The following MGAT4C variants were observed in gnomAD, a reference collection of about 807,000 sequenced individuals.
MGAT4C encodes MGAT4 family member C.
Under a neutral mutation model 40.1 loss-of-function variants are expected in MGAT4C, and 19 were observed. The ratio of observed to expected loss-of-function variants is 0.47; its 90% CI spans 0.33 to 0.70. The LOEUF (loss-of-function observed/expected upper bound fraction) is 0.70, where lower values mean the gene tolerates loss of function less well. Ranked by LOEUF, MGAT4C falls within the 30% of genes least tolerant of loss-of-function variation. The probability of loss-of-function intolerance (pLI) is 0.02; values close to 1 mark genes in which losing one functional copy is unlikely to be tolerated. For missense variants in MGAT4C, 491 were observed against 563.2 expected (o/e 0.87, Z 1.30); for synonymous variants, 181 against 187.1 (o/e 0.97, Z 0.27).
At chr12:86,070,373 T>A (rs558962543) in intron 1 of MGAT4C, among the ~76,000 whole-genome samples, 2 of 152,204 alleles carry the variant, frequency 1.3e-5, no homozygotes, top group South Asian at 4.1e-4. Flanking sequence ...ATCTTTTTTT[T>A]CCTCTGATTG....
intron 1 of MGAT4C, among the ~76,000 whole-genome samples, chr12:86,163,738 A>G (rs946410232): frequency 3.9e-5 from 6 of 152,198 alleles, no homozygotes; most frequent in African/African-American, 1.4e-4. Context: ...ACATTTTTGA[A>G]CTACATGGAA....
chr12:86,084,245 A>G (rs1204037166), intron 1 of MGAT4C, among the ~76,000 whole-genome samples: 1 of 152,098 alleles, frequency 6.6e-6, no homozygotes, highest in Non-Finnish European at 1.5e-5. Flanking sequence ...GCAAGGGTTT[A>G]GAACCTGGTA....
Position 86,489,420 on chromosome 12 carries a change from T to C in MGAT4C, c.-228-54155A>G, listed in dbSNP as rs183705767. ...GCACAAGAATTTGGGACACACCAAG[T>C]GTGGGTACCCTAAAAGGCTGTCACA... On this transcript the variant is annotated intron_variant, in intron 2 of 7. Coordinates refer to the MGAT4C transcript ENST00000548651. 2.0e-3 allele frequency among the ~76,000 whole-genome samples: 304 copies of C among 152,246 alleles called. 4 individuals are homozygous for C. The highest frequency in any genetic ancestry group is 0.019 in the Admixed American group (292 of 15,286).
chr12:86,121,329 A>G (rs1001930574), intron 1 of MGAT4C, among the ~76,000 whole-genome samples: 5 of 152,236 alleles, frequency 3.3e-5, no homozygotes, highest in African/African-American at 1.2e-4. Context: ...TCTTCAGGAT[A>G]TTATTCAGGA....
chr12:86,823,244 A>G (rs971141276), intron 1 of MGAT4C, among the ~76,000 whole-genome samples: 1 of 151,192 alleles, frequency 6.6e-6, no homozygotes, highest in Admixed American at 6.6e-5. Context: ...ACAAAGCCCA[A>G]AGTTAGCATA....
intron 1 of MGAT4C, among the ~76,000 whole-genome samples, chr12:86,253,232 T>C (rs1952375593): frequency 6.6e-6 from 1 of 151,910 alleles, no homozygotes; most frequent in Non-Finnish European, 1.5e-5. Flanking sequence ...AAGAATTTTT[T>C]TACATTGTTC....
chr12:86,521,800 C>T (rs1592947908), intron 2 of MGAT4C, among the ~76,000 whole-genome samples: 2 of 151,898 alleles, frequency 1.3e-5, no homozygotes, highest in East Asian at 3.9e-4. Flanking sequence ...TTGTAGTTCT[C>T]CATGTAGAGA....
chr12:86,109,382 A>C (rs1026671341), intron 1 of MGAT4C, among the ~76,000 whole-genome samples: 1 of 152,126 alleles, frequency 6.6e-6, no homozygotes, highest in Non-Finnish European at 1.5e-5. Context: ...TTCTTATACT[A>C]GCTATTGTTT....
chr12:86,734,830 G>T (rs1314104932), intron 1 of MGAT4C, among the ~76,000 whole-genome samples: 1 of 152,054 alleles, frequency 6.6e-6, no homozygotes, highest in Admixed American at 6.6e-5. Context: ...CAGAGAGGCA[G>T]CAGGTCAGTT....
At chr12:86,534,505 T>C (rs1959038480) in intron 2 of MGAT4C, among the ~76,000 whole-genome samples, 1 of 152,124 alleles carries the variant, frequency 6.6e-6, no homozygotes, top group African/African-American at 2.4e-5. Context: ...CTTCTTGGTG[T>C]TCATGGTTCA....
At chr12:86,183,635 G>T (rs2135875467) in intron 1 of MGAT4C, among the ~76,000 whole-genome samples, 1 of 152,244 alleles carries the variant, frequency 6.6e-6, no homozygotes, top group South Asian at 2.1e-4. Flanking sequence ...AGTTCTAGAG[G>T]CTGGGAATTC....
At chr12:86,475,480 A>C (rs1236623884) in intron 2 of MGAT4C, among the ~76,000 whole-genome samples, 1 of 152,040 alleles carries the variant, frequency 6.6e-6, no homozygotes, top group African/African-American at 2.4e-5. Context: ...ACAAGTTGGA[A>C]TAACTGCATA....
chr12:86,139,709 A>C (rs987419897), intron 1 of MGAT4C, among the ~76,000 whole-genome samples: 2 of 152,100 alleles, frequency 1.3e-5, no homozygotes, highest in Non-Finnish European at 2.9e-5. Flanking sequence ...CAAATATAAG[A>C]GTTTCTTTAA....
chr12:85,992,599 G>C, intron 2 of MGAT4C, among the ~76,000 whole-genome samples: 1 of 152,230 alleles, frequency 6.6e-6, no homozygotes, highest in East Asian at 1.9e-4. Flanking sequence ...AATTGGCTCA[G>C]TCATCAAAAG....
chr12:86,328,700 G>A (rs976462768), intron 4 of MGAT4C, among the ~76,000 whole-genome samples: 15 of 151,946 alleles, frequency 9.9e-5, no homozygotes, highest in Non-Finnish European at 1.9e-4. Context: ...CTTCACAAAC[G>A]AGAAGACTCA....
chr12:86,335,233 T>G (rs1414796287), intron 3 of MGAT4C, among the ~76,000 whole-genome samples: 1 of 152,070 alleles, frequency 6.6e-6, no homozygotes, highest in African/African-American at 2.4e-5. Context: ...GCCCCTAACC[T>G]CTTTTTACTT....
chr12:86,492,981 G>A (rs1378245954), intron 2 of MGAT4C, among the ~76,000 whole-genome samples: 2 of 151,706 alleles, frequency 1.3e-5, no homozygotes, highest in Admixed American at 6.6e-5. Flanking sequence ...CAAAAAGTGG[G>A]TGAAGGACAT....
At chr12:86,130,037 AG>A (rs1391875339) in intron 1 of MGAT4C, among the ~76,000 whole-genome samples, 13 of 152,184 alleles carry the variant, frequency 8.5e-5, no homozygotes, top group Admixed American at 6.5e-5. Flanking sequence ...GTAGGATTTA[AG>A]TTGAAGTTTT....
At chr12:86,017,985 G>C (rs1206578010) in intron 2 of MGAT4C, among the ~76,000 whole-genome samples, 1 of 152,132 alleles carries the variant, frequency 6.6e-6, no homozygotes, top group East Asian at 1.9e-4. Flanking sequence ...ATGCTGATAT[G>C]AAATGACAAG....
Sources: allele counts gnomAD v4.1 joint callset (sites outside exome capture counted in the v4.1 genomes callset), GRCh38; gene constraint gnomAD v4.1.1; transcripts MANE v1.5; gene names NCBI Gene and HGNC (gene_info 2026-07-23, HGNC 2026-07-21).